The following RBMS2 variants were observed in gnomAD, a reference collection of about 807,000 sequenced individuals.
The protein encoded by RBMS2 is RNA binding motif single stranded interacting protein 2.
In RBMS2, 38 loss-of-function variants were observed where a neutral mutation model predicts 58.4. That is an observed-to-expected ratio of 0.65 (90% CI 0.50 to 0.85). RBMS2 has a LOEUF of 0.85. Ranked by LOEUF, RBMS2 falls within the 40% of genes least tolerant of loss-of-function variation. The pLI, the probability that RBMS2 is intolerant of heterozygous loss-of-function variation, is 0.00. For synonymous variants in RBMS2, 151 were observed against 180.7 expected (o/e 0.84, Z 1.32); for missense variants, 367 against 503.7 (o/e 0.73, Z 2.60).
At chr12:56,580,887 A>G (rs1024605489) in intron 5 of RBMS2, among the ~76,000 whole-genome samples, 4 of 152,200 alleles carry the variant, frequency 2.6e-5, no homozygotes, top group African/African-American at 9.7e-5. Context: ...AACAACCTCT[A>G]TTTCTTGTAT....
chr12:56,559,790 G>T (rs1451751016), intron 1 of RBMS2, among the ~76,000 whole-genome samples: 5 of 137,134 alleles, frequency 3.6e-5, no homozygotes, highest in Non-Finnish European at 7.6e-5. Flanking sequence ...GGCAGACGTT[G>T]CAGTCAGCCA....
At chr12:56,589,112 T>G (rs751196109) in intron 13 of RBMS2, 28 bp from the exon 14 acceptor site, 2 of 1,592,828 alleles carry the variant, frequency 1.3e-6, no homozygotes. Flanking sequence ...GTTTGTCTTG[T>G]CTCCTCTCTG....
chr12:56,561,079 C>T (rs112177027), intron 1 of RBMS2, among the ~76,000 whole-genome samples: 3 of 152,290 alleles, frequency 2.0e-5, no homozygotes, highest in African/African-American at 7.2e-5. Context: ...AACCATGTTC[C>T]TGCAAAGGAC....
At chr12:56,582,977 C>T (rs1220864860) in intron 9 of RBMS2, among the ~76,000 whole-genome samples, 1 of 152,142 alleles carries the variant, frequency 6.6e-6, no homozygotes, top group Non-Finnish European at 1.5e-5. Flanking sequence ...AACAAGCCCT[C>T]CAGGTGATTC....
intron 1 of RBMS2, among the ~76,000 whole-genome samples, chr12:56,553,899 A>G (rs540718635): frequency 6.7e-6 from 1 of 148,646 alleles, no homozygotes; most frequent in Non-Finnish European, 1.5e-5. Context: ...ATCTCGGCTC[A>G]CTGCAGCCTC....
rs138231675 is a variant in RBMS2 at position 56,562,531 on chromosome 12, C to T, written c.181C>T (p.Arg61Ter). The T allele has an allele frequency of 1.1e-5, 17 of 1,612,730 alleles. No individual in the cohort carries two copies. Among genetic ancestry groups the T allele is most frequent in the East Asian group, 6.7e-5 (3 of 44,878 alleles). The change falls in exon 2 of 14, where the codon CGA becomes TGA. Residue 61 changes from arginine to a stop codon, truncating the protein, a stop_gained. Coordinates refer to ENST00000262031, the MANE Select transcript of RBMS2 (RefSeq NM_002898.4). LOFTEE classifies it high-confidence loss of function. ...GCTGAGCAAAACCAACCTATACATC[C>T]GAGGATTGCAACCAGGCACTACTGA... ...DQLSKTNLYI[R>*]GLQPGTTDQD...
At chr12:56,539,159 G>C (rs1035089355) in intron 1 of RBMS2, among the ~76,000 whole-genome samples, 4 of 151,772 alleles carry the variant, frequency 2.6e-5, no homozygotes, top group Non-Finnish European at 4.4e-5. Context: ...GGGATTACAC[G>C]TGCACACCAC....
In RBMS2 at chr12:56,528,873, C is replaced by G. The variant is rs569782131; in HGVS notation, c.66+6784C>G. Among the ~76,000 whole-genome samples, 98 of 151,668 alleles carry G rather than the reference C, an allele frequency of 6.5e-4. 1 individual carries two copies. The highest frequency in any genetic ancestry group is 2.1e-3 in the African/African-American group (87 of 41,352). ...GCTTGAGCCCAGGAGGTCAAGGCTGCGGTTGATTGCCCCACTGTCTTCATT... is the reference window on the plus strand; with the variant it reads ...GCTTGAGCCCAGGAGGTCAAGGCTGGGGTTGATTGCCCCACTGTCTTCATT... On this transcript the variant is annotated intron_variant, in intron 1 of 13. Coordinates refer to ENST00000262031, the MANE Select transcript of RBMS2 (RefSeq NM_002898.4).
At chr12:56,548,982 A>G (rs1877746562) in intron 1 of RBMS2, among the ~76,000 whole-genome samples, 1 of 152,010 alleles carries the variant, frequency 6.6e-6, no homozygotes, top group Non-Finnish European at 1.5e-5. Flanking sequence ...GGAGAGCTTA[A>G]TTTTCAGAAA....
At chr12:56,568,943 A>G (rs1881838095) in intron 2 of RBMS2, 32 bp from the exon 3 acceptor site, 2 of 1,559,958 alleles carry the variant, frequency 1.3e-6, no homozygotes, top group Non-Finnish European at 1.8e-6. Flanking sequence ...TCTGCCCCCC[A>G]GATTATTACT....
At chr12:56,535,287 G>C (rs1288443575) in intron 1 of RBMS2, among the ~76,000 whole-genome samples, 1 of 151,988 alleles carries the variant, frequency 6.6e-6, no homozygotes, top group African/African-American at 2.4e-5. Context: ...TTGAGCTCAG[G>C]AGTTTGAGAC....
intron 9 of RBMS2, among the ~76,000 whole-genome samples, chr12:56,584,514 G>C (rs931465591): frequency 6.6e-6 from 1 of 151,754 alleles, no homozygotes; most frequent in East Asian, 1.9e-4. Context: ...GGCCAGGCAC[G>C]GTGGCTCACG....
intron 1 of RBMS2, among the ~76,000 whole-genome samples, chr12:56,550,013 C>T (rs1363271967): frequency 6.6e-6 from 1 of 151,564 alleles, no homozygotes; most frequent in Non-Finnish European, 1.5e-5. Context: ...GCAACAAGAG[C>T]GAAACTCCGT....
chr12:56,556,407 A>G (rs1428758886), intron 1 of RBMS2, among the ~76,000 whole-genome samples: 2 of 141,396 alleles, frequency 1.4e-5, no homozygotes, highest in African/African-American at 2.7e-5. Flanking sequence ...ACAGAGTCTC[A>G]CTCTGTCACC....
rs767043985 is a variant in RBMS2, at chr12:56,589,132, T to G, written c.*7-8T>G. On this transcript the variant is annotated splice_polypyrimidine_tract_variant and splice_region_variant and intron_variant, in intron 13 of 13. Coordinates refer to ENST00000262031, the MANE Select transcript of RBMS2 (RefSeq NM_002898.4). ...TCTTGTCTCCTCTCTGGCTTGTGCC[T>G]TCTTTAGGATTCCCCTCCCCATCTT... 1 of 1,563,178 alleles carries G rather than the reference T, an allele frequency of 6.4e-7. No individual in the cohort carries two copies. The highest frequency in any genetic ancestry group is 1.2e-5 in the South Asian group (1 of 85,614).
intron 1 of RBMS2, among the ~76,000 whole-genome samples, chr12:56,561,767 C>G (rs869162363): frequency 4.3e-5 from 4 of 92,516 alleles, no homozygotes; most frequent in African/African-American, 1.6e-4. Flanking sequence ...CACCCCCCCC[C>G]TCCTTGGCCT....
At chr12:56,572,500 A>T (rs1358929471) in intron 5 of RBMS2, among the ~76,000 whole-genome samples, 1 of 151,876 alleles carries the variant, frequency 6.6e-6, no homozygotes, top group East Asian at 1.9e-4. Flanking sequence ...TAAGCTCCCT[A>T]CTACTTCCTA....
At chr12:56,542,112 TCAC>T (rs1876201727) in intron 1 of RBMS2, among the ~76,000 whole-genome samples, 1 of 152,124 alleles carries the variant, frequency 6.6e-6, no homozygotes, top group Non-Finnish European at 1.5e-5. Context: ...AGTAGCATGA[TCAC>T]CACTCACTAC....
intron 1 of RBMS2, among the ~76,000 whole-genome samples, chr12:56,526,926 T>C (rs1462729486): frequency 2.0e-5 from 3 of 152,190 alleles, no homozygotes; most frequent in East Asian, 1.9e-4. Context: ...GAAAAGGGAC[T>C]GTGTTTAACT....
Sources: gnomAD v4.1 joint callset for allele counts (sites outside exome capture counted in the v4.1 genomes callset) on GRCh38, gnomAD v4.1.1 for gene constraint, MANE v1.5 for transcripts, NCBI Gene and HGNC (gene_info 2026-07-23, HGNC 2026-07-21) for gene names.